Variants in BICC1 observed in about 807,000 individuals in gnomAD.
BICC1 encodes protein bicaudal C homolog 1.
A neutral mutation model predicts 111.0 loss-of-function variants in BICC1; 43 were observed. The ratio of observed to expected loss-of-function variants is 0.39; its 90% confidence interval spans 0.30 to 0.50. The LOEUF (loss-of-function observed/expected upper bound fraction) is 0.50, where lower values mean the gene tolerates loss of function less well. Ranked by LOEUF, BICC1 falls within the 20% of genes least tolerant of loss-of-function variation. The pLI is 0.88. For missense variants in BICC1, 1,091 were observed against 1,203.2 expected, an observed-to-expected ratio of 0.91 and a Z score of 1.38; for synonymous variants, 467 against 434.4, an observed-to-expected ratio of 1.07 and a Z score of -0.93.
chr10:58,559,389 G>C (rs959063694), intron 1 of BICC1, among the ~76,000 whole-genome samples: 1 of 151,176 alleles, frequency 6.6e-6, no homozygotes, highest in African/African-American at 2.4e-5. Context: ...TTCTTGAATT[G>C]TTTTTCAGCT....
At chr10:58,525,991 C>CTT (rs34275789) in intron 1 of BICC1, among the ~76,000 whole-genome samples, 26 of 151,506 alleles carry the variant, frequency 1.7e-4, no homozygotes, top group Admixed American at 1.3e-3. Context: ...GATTACATGG[C>CTT]TTTTTTTTCT....
At chr10:58,721,485 C>G (rs1364323545) in intron 3 of BICC1, among the ~76,000 whole-genome samples, 3 of 152,162 alleles carry the variant, frequency 2.0e-5, no homozygotes, top group Admixed American at 2.0e-4. Context: ...CTACAGTCAT[C>G]TCAAGTGTAT....
chr10:58,766,947 G>A (rs1842473106), intron 3 of BICC1, among the ~76,000 whole-genome samples: 1 of 151,544 alleles, frequency 6.6e-6, no homozygotes, highest in African/African-American at 2.4e-5. Flanking sequence ...AGGGAAAGGT[G>A]GGGATGGGGG....
At chr10:58,695,176 A>G (rs781411342) in intron 2 of BICC1, among the ~76,000 whole-genome samples, 5 of 152,190 alleles carry the variant, frequency 3.3e-5, no homozygotes, top group South Asian at 4.1e-4. Context: ...TTGGACTACA[A>G]TGAAATATAG....
rs184722570 is a variant in BICC1, at chr10:58,817,818, C to T, written c.2694+96C>T. 55 of 1,231,016 alleles carry T rather than the reference C, an allele frequency of 4.5e-5. 1 individual carries two copies. The Middle Eastern group carries it at 2.0e-3, about 45-fold the overall frequency. The allele number at this position is 1,231,016 out of a possible 1,614,324, so 76.3% of individuals were successfully genotyped here. A position where few individuals can be genotyped will look rare whatever the true frequency, so the allele number is the denominator to read the frequency against. On this transcript the variant is annotated intron_variant, in intron 19 of 20. Transcript: ENST00000373886. The stretch of plus-strand genomic sequence containing the variant: ...ACTTATTGACCTATGAGTATGCTTT[C>T]ACTGAGCATTTATTCAAGTCTCATA...
chr10:58,633,821 A>G (rs979998848), intron 2 of BICC1, among the ~76,000 whole-genome samples: 1 of 152,150 alleles, frequency 6.6e-6, no homozygotes, highest in African/African-American at 2.4e-5. Flanking sequence ...ATTCCCTGAA[A>G]TCATTCACTA....
chr10:58,579,617 C>G (rs1404693216), intron 1 of BICC1, among the ~76,000 whole-genome samples: 1 of 152,214 alleles, frequency 6.6e-6, no homozygotes, highest in African/African-American at 2.4e-5. Context: ...TCACTGCTGG[C>G]TTGTAACTAC....
At chr10:58,695,699 A>G (rs1840047153) in intron 2 of BICC1, among the ~76,000 whole-genome samples, 1 of 152,176 alleles carries the variant, frequency 6.6e-6, no homozygotes, top group South Asian at 2.1e-4. Context: ...CTGGCTTGGC[A>G]AAGGTTTCCT....
chr10:58,674,567 A>G (rs1839282183), intron 2 of BICC1, among the ~76,000 whole-genome samples: 1 of 152,180 alleles, frequency 6.6e-6, no homozygotes, highest in Non-Finnish European at 1.5e-5. Flanking sequence ...GATTAGATGC[A>G]TGATTGTACA....
chr10:58,789,775 C>T lies in BICC1; in HGVS notation c.889C>T (p.Leu297Phe), dbSNP rs1843120866. The T allele has an allele frequency of 6.2e-7, 1 of 1,614,134 alleles. No homozygotes were observed. The highest frequency in any genetic ancestry group is 8.5e-7 in the Non-Finnish European group (1 of 1,180,004). ...TQLDIAAQHH[L>F]FMMGRNGSNI... The stretch of plus-strand genomic sequence containing the variant: ...ACTAGATATTGCAGCTCAACATCAT[C>T]TCTTTATGATGGGTCGAAATGGGAG... The change falls in exon 8 of 21, where the codon CTC becomes TTC. Residue 297 changes from leucine (L) to phenylalanine (F), a missense_variant. Physicochemically the swap from Leu to Phe is conservative, Grantham distance 22. Transcript: ENST00000373886.
chr10:58,732,617 C>CA (rs955083346), intron 3 of BICC1, among the ~76,000 whole-genome samples: 3 of 150,804 alleles, frequency 2.0e-5, no homozygotes, highest in Non-Finnish European at 4.4e-5. Flanking sequence ...CCTGTCTCTA[C>CA]AAAAAATATG....
intron 1 of BICC1, among the ~76,000 whole-genome samples, chr10:58,603,746 T>C (rs1281268490): frequency 1.3e-5 from 2 of 152,152 alleles, no homozygotes; most frequent in African/African-American, 4.8e-5. Context: ...GAATTCTACT[T>C]GCAGTGAAAA....
At chr10:58,558,938 C>G (rs1843531896) in intron 1 of BICC1, among the ~76,000 whole-genome samples, 1 of 152,046 alleles carries the variant, frequency 6.6e-6, no homozygotes, top group Non-Finnish European at 1.5e-5. Context: ...AATCACCTCC[C>G]AAAGTTCCAC....
At chr10:58,823,723 G>A (rs1479226057) in intron 20 of BICC1, 2 of 985,054 alleles carry the variant, frequency 2.0e-6, no homozygotes, top group East Asian at 1.1e-4. Context: ...TGAATTGTAT[G>A]TTATTCCCCC....
chr10:58,814,402 G>A lies in BICC1; in HGVS notation c.2533+416G>A, dbSNP rs368146206. ...ACTGTCTGACACCTAGTAGGTAGGTGCTCAGTAAAAGTTTGTGAAATGAAT... is the reference window on the plus strand; with the variant it reads ...ACTGTCTGACACCTAGTAGGTAGGTACTCAGTAAAAGTTTGTGAAATGAAT... On this transcript the variant is annotated intron_variant, in intron 18 of 20. Coordinates refer to ENST00000373886, the MANE Select transcript of BICC1 (RefSeq NM_001080512.3). 4.3e-5 allele frequency: 18 copies of A among 421,262 alleles called. No individual in the cohort carries two copies. In the Middle Eastern group the frequency reaches 2.6e-3, roughly 60 times the overall value. The allele number at this position is 421,262 out of a possible 1,614,324, so 26.1% of individuals were successfully genotyped here.
chr10:58,519,700 G>A (rs549500941), intron 1 of BICC1, among the ~76,000 whole-genome samples: 2 of 152,122 alleles, frequency 1.3e-5, no homozygotes, highest in East Asian at 3.9e-4. Context: ...GCATAGTCCA[G>A]AAGTAAACCT....
At chr10:58,697,072 T>C (rs80082605) in intron 2 of BICC1, among the ~76,000 whole-genome samples, 9,470 of 152,322 alleles carry the variant, frequency 0.062, 358 homozygotes, top group African/African-American at 0.1. Flanking sequence ...TTCCCAACTT[T>C]CAGGTAACAT....
intron 19 of BICC1, 21 bp from the exon 20 acceptor site, chr10:58,820,348 G>C (rs1844218462): frequency 6.5e-7 from 1 of 1,533,618 alleles, no homozygotes; most frequent in Non-Finnish European, 9.0e-7. Context: ...ATTGGTTATA[G>C]ATTGACCTTT....
chr10:58,828,947 T>A lies in BICC1; in HGVS notation c.*56T>A. 8.7e-6 allele frequency: 14 copies of A among 1,604,426 alleles called. No individual in the cohort carries two copies. The South Asian group carries it at 1.3e-4, about 15-fold the overall frequency. ...AACTGTAAAGTGGACACAGGAGATGTATGAACAGCCTTCACAGCACACCAT... is the reference window on the plus strand; with the variant it reads ...AACTGTAAAGTGGACACAGGAGATGAATGAACAGCCTTCACAGCACACCAT... On this transcript the variant is annotated 3_prime_UTR_variant, in exon 21 of 21. Transcript: ENST00000373886.
Sources: gnomAD v4.1 joint callset for allele counts (sites outside exome capture counted in the v4.1 genomes callset) on GRCh38, gnomAD v4.1.1 for gene constraint, MANE v1.5 for transcripts, NCBI Gene and HGNC (gene_info 2026-07-23, HGNC 2026-07-21) for gene names.